CNTNAP2: variants seen among roughly 807,000 people sequenced by gnomAD.
The protein encoded by CNTNAP2 is contactin-associated protein-like 2.
In CNTNAP2, 98 loss-of-function variants were observed where a neutral mutation model predicts 155.2. The ratio of observed to expected loss-of-function variants is 0.63; its 90% CI spans 0.54 to 0.75. The LOEUF (loss-of-function observed/expected upper bound fraction) is 0.75, where lower values mean the gene tolerates loss of function less well. Among genes scored for constraint, CNTNAP2 ranks in the 30% least tolerant of loss-of-function variants. CNTNAP2 has a pLI of 0.00. For missense variants in CNTNAP2, 1,727 were observed against 1,688.1 expected, an observed-to-expected ratio of 1.02 and a Z score of -0.40; for synonymous variants, 651 against 631.2, an observed-to-expected ratio of 1.03 and a Z score of -0.47.
intron 1 of CNTNAP2, among the ~76,000 whole-genome samples, chr7:146,388,168 C>T (rs181819926): frequency 6.3e-4 from 95 of 151,316 alleles, no homozygotes; most frequent in Admixed American, 5.8e-3. Context: ...TGAGGTCTCA[C>T]GTTGGTAATC....
At chr7:147,494,229 A>G (rs777078097) in intron 11 of CNTNAP2, among the ~76,000 whole-genome samples, 3 of 152,156 alleles carry the variant, frequency 2.0e-5, no homozygotes, top group Non-Finnish European at 2.9e-5. Flanking sequence ...GGGGATTTAA[A>G]GGCCATTCTA....
At chr7:146,859,710 A>G (rs1248618130) in intron 3 of CNTNAP2, among the ~76,000 whole-genome samples, 1 of 152,030 alleles carries the variant, frequency 6.6e-6, no homozygotes, top group African/African-American at 2.4e-5. Flanking sequence ...ACCTACCCTG[A>G]CTCTAAGCTT....
intron 8 of CNTNAP2, among the ~76,000 whole-genome samples, chr7:147,206,498 G>A (rs1037440717): frequency 4.6e-5 from 7 of 152,116 alleles, no homozygotes; most frequent in African/African-American, 1.7e-4. Context: ...GGGCAGCGGA[G>A]GTTGCAGTGA....
intron 10 of CNTNAP2, among the ~76,000 whole-genome samples, chr7:147,423,383 A>G (rs1797328527): frequency 6.6e-6 from 1 of 152,204 alleles, no homozygotes; most frequent in East Asian, 1.9e-4. Flanking sequence ...AAAATGCTTA[A>G]TATGATGAAC....
intron 3 of CNTNAP2, among the ~76,000 whole-genome samples, chr7:146,927,951 A>T (rs1463634257): frequency 7.4e-6 from 1 of 135,116 alleles, no homozygotes; most frequent in Non-Finnish European, 1.6e-5. Context: ...AAAGTTATAT[A>T]ATGTGTGTGT....
chr7:146,678,465 A>C (rs988831648), intron 1 of CNTNAP2, among the ~76,000 whole-genome samples: 2 of 152,294 alleles, frequency 1.3e-5, no homozygotes, highest in East Asian at 3.9e-4. Flanking sequence ...AGGACCTTTG[A>C]AAATGCAAAA....
At chr7:147,229,255 G>A (rs2116613763) in intron 8 of CNTNAP2, among the ~76,000 whole-genome samples, 1 of 152,246 alleles carries the variant, frequency 6.6e-6, no homozygotes, top group South Asian at 2.1e-4. Context: ...ACTCAAGAAT[G>A]AACAGCTTGG....
chr7:146,401,819 C>A (rs1343743677), intron 1 of CNTNAP2, among the ~76,000 whole-genome samples: 1 of 152,078 alleles, frequency 6.6e-6, no homozygotes. Context: ...AGCTATTTTT[C>A]TTACAAATCT....
Position 146,650,535 on chromosome 7 carries a change from G to T in CNTNAP2, c.98-123736G>T, listed in dbSNP as rs555707371. On this transcript the variant is annotated intron_variant, in intron 1 of 23. Transcript: ENST00000361727. Reference sequence around the variant, plus strand: ...AGGGAGGGGGACATCACACACTGGGGCCTGTTGCGGGGTGGGGGGCTAGGA... The same window carrying T: ...AGGGAGGGGGACATCACACACTGGGTCCTGTTGCGGGGTGGGGGGCTAGGA... 5.9e-5 allele frequency among the ~76,000 whole-genome samples: 9 copies of T among 152,030 alleles called. No individual in the cohort carries two copies. In the South Asian group the frequency reaches 1.0e-3, roughly 18 times the overall value.
At chr7:146,572,025 C>G (rs896713241) in intron 1 of CNTNAP2, among the ~76,000 whole-genome samples, 11 of 152,132 alleles carry the variant, frequency 7.2e-5, no homozygotes, top group African/African-American at 2.4e-5. Flanking sequence ...GGCCAAAAAT[C>G]TTTTCAATAA....
chr7:147,224,666 A>G (rs1803480141), intron 8 of CNTNAP2, among the ~76,000 whole-genome samples: 1 of 151,598 alleles, frequency 6.6e-6, no homozygotes, highest in Non-Finnish European at 1.5e-5. Context: ...AAAGTATATA[A>G]TGGGTGAAGT....
chr7:146,586,519 A>T (rs531186297), intron 1 of CNTNAP2, among the ~76,000 whole-genome samples: 2 of 152,254 alleles, frequency 1.3e-5, no homozygotes, highest in African/African-American at 4.8e-5. Context: ...GTTTTCTACC[A>T]TTGACATTTA....
intron 13 of CNTNAP2, among the ~76,000 whole-genome samples, chr7:147,698,029 C>A (rs191703071): frequency 1.3e-3 from 193 of 152,184 alleles, no homozygotes; most frequent in African/African-American, 4.3e-3. Context: ...GGTTTCCTAC[C>A]CTGGTACTGG....
At chr7:148,256,440 AT>A (rs1389555588) in intron 20 of CNTNAP2, among the ~76,000 whole-genome samples, 1 of 152,124 alleles carries the variant, frequency 6.6e-6, no homozygotes, top group Non-Finnish European at 1.5e-5. Flanking sequence ...ATAAACATCC[AT>A]TTAACACGTG....
intron 13 of CNTNAP2, among the ~76,000 whole-genome samples, chr7:147,644,386 C>T (rs1223940298): frequency 6.6e-6 from 1 of 152,086 alleles, no homozygotes; most frequent in Admixed American, 6.6e-5. Flanking sequence ...TTTGGGAGGC[C>T]AAGGCAGGTG....
rs143413159 is a variant in CNTNAP2, at chr7:146,160,264, A to G, written c.97+43291A>G. The stretch of plus-strand genomic sequence containing the variant: ...AGGAAAAATCTAAAATTGACACCCT[A>G]ACATCACAATTAAAAGAACTAGAAA... On this transcript the variant is annotated intron_variant, in intron 1 of 23. Transcript: ENST00000361727. Among the ~76,000 whole-genome samples the G allele has an allele frequency of 1.0e-3, 155 of 152,312 alleles. 2 individuals carry two copies. The East Asian group carries it at 0.028, about 27-fold the overall frequency.
intron 20 of CNTNAP2, among the ~76,000 whole-genome samples, chr7:148,259,231 C>T (rs749262521): frequency 1.2e-4 from 17 of 138,632 alleles, no homozygotes; most frequent in Non-Finnish European, 2.3e-4. Flanking sequence ...TGGTATGCAC[C>T]TGTGGTCCCA....
chr7:146,923,064 A>C (rs1332943165), intron 3 of CNTNAP2, among the ~76,000 whole-genome samples: 4 of 152,204 alleles, frequency 2.6e-5, no homozygotes, highest in Admixed American at 2.6e-4. Flanking sequence ...GTCATGCAGA[A>C]AATTCCAGCC....
rs376865837 is a variant in CNTNAP2, at chr7:148,390,774, T to G, written c.3715+6886T>G. On this transcript the variant is annotated intron_variant, in intron 22 of 23. Transcript: ENST00000361727. ...GTAATAAGATTCTTTTTCTCATCTG[T>G]AACACTACTGTTACACTTCTATAAC... 3.3e-5 allele frequency among the ~76,000 whole-genome samples: 5 copies of G among 152,364 alleles called. No homozygotes were observed. In the East Asian group the frequency reaches 5.8e-4, roughly 18 times the overall value.
Sources: gnomAD v4.1 joint callset for allele counts (sites outside exome capture counted in the v4.1 genomes callset) on GRCh38, gnomAD v4.1.1 for gene constraint, MANE v1.5 for transcripts, NCBI Gene and HGNC (gene_info 2026-07-23, HGNC 2026-07-21) for gene names.